The following DHRS9 variants were observed in gnomAD, a reference collection of about 807,000 sequenced individuals.
DHRS9 encodes dehydrogenase/reductase 9, also known as dehydrogenase/reductase SDR family member 9.
In DHRS9, 18 loss-of-function variants were observed where a neutral mutation model predicts 26.6. That is an observed-to-expected ratio of 0.68 (90% confidence interval 0.47 to 1.00). The LOEUF (loss-of-function observed/expected upper bound fraction) is 1.00, where lower values mean the gene tolerates loss of function less well. Ranked by LOEUF, DHRS9 falls within the 50% of genes least tolerant of loss-of-function variation. DHRS9 has a pLI of 0.00. For synonymous variants in DHRS9, 134 were observed against 141.1 expected (o/e 0.95, Z 0.36); for missense variants, 425 against 378.7 (o/e 1.12, Z -1.01).
chr2:169,079,920 GGAGAGAGAGAGAGA>G (rs1200500362), intron 1 of DHRS9, among the ~76,000 whole-genome samples: 26 of 10,316 alleles, frequency 2.5e-3, no homozygotes, highest in Admixed American at 4.7e-3. Context: ...GGAGGGAGGG[GGAGAGAGAGAGAGA>G]GAGAGAGAGA....
At chr2:169,092,334 C>G (rs1684555987) in intron 4 of DHRS9, among the ~76,000 whole-genome samples, 1 of 152,206 alleles carries the variant, frequency 6.6e-6, no homozygotes, top group Non-Finnish European at 1.5e-5. Flanking sequence ...TGCCATACCT[C>G]CTCTTTTCCT....
chr2:169,086,675 C>A (rs1684362278), intron 3 of DHRS9, among the ~76,000 whole-genome samples: 1 of 152,032 alleles, frequency 6.6e-6, no homozygotes, highest in Admixed American at 6.5e-5. Context: ...CTGTTGTGAT[C>A]TAACTTTTTA....
chr2:169,083,043 T>C (rs1458097118), intron 2 of DHRS9, among the ~76,000 whole-genome samples: 1 of 152,090 alleles, frequency 6.6e-6, no homozygotes, highest in Non-Finnish European at 1.5e-5. Context: ...GAAAAATAGA[T>C]CAATTTACTC....
At chr2:169,094,573 G>T (rs1416581976) in intron 4 of DHRS9, among the ~76,000 whole-genome samples, 1 of 149,660 alleles carries the variant, frequency 6.7e-6, no homozygotes, top group Non-Finnish European at 1.5e-5. Flanking sequence ...TAGAGATGAG[G>T]TCACACTATG....
chr2:169,067,307 T>C, upstream of DHRS9: 1 of 1,532,784 alleles, frequency 6.5e-7, no homozygotes, highest in Non-Finnish European at 8.7e-7. Flanking sequence ...CTTAGAATGA[T>C]CTGTGACTTA....
At chr2:169,091,456 G>T (rs920869293) in intron 3 of DHRS9, among the ~76,000 whole-genome samples, 1 of 152,060 alleles carries the variant, frequency 6.6e-6, no homozygotes, top group Non-Finnish European at 1.5e-5. Context: ...ACCATAAGGT[G>T]GTTTAAGTAC....
At chr2:169,073,334 AC>A in intron 1 of DHRS9, among the ~76,000 whole-genome samples, 1 of 152,198 alleles carries the variant, frequency 6.6e-6, no homozygotes, top group Non-Finnish European at 1.5e-5. Flanking sequence ...CCTCCTCTAT[AC>A]AGTGAAGATA....
In DHRS9 at chr2:169,095,958, G is replaced by A. The variant is rs894027340; in HGVS notation, c.*191G>A. On this transcript the variant is annotated 3_prime_UTR_variant, in exon 5 of 5. Coordinates refer to ENST00000674881, the MANE Select transcript of DHRS9 (RefSeq NM_001376924.1). Reference sequence around the variant, plus strand: ...CCCTGCTCAAGTTTTCTTTGAAAAGGAGGGCTGGAATGGTACATCACATAG... The same window carrying A: ...CCCTGCTCAAGTTTTCTTTGAAAAGAAGGGCTGGAATGGTACATCACATAG... 1.6e-6 allele frequency: 1 copy of A among 612,892 alleles called. No homozygotes were observed. Among genetic ancestry groups the A allele is most frequent in the South Asian group, 2.0e-5 (1 of 50,064 alleles). The allele number at this position is 612,892 out of a possible 1,614,324, so 38.0% of individuals were successfully genotyped here.
chr2:169,091,135 GT>G (rs766545777), intron 3 of DHRS9, among the ~76,000 whole-genome samples: 6 of 151,942 alleles, frequency 3.9e-5, no homozygotes, highest in Non-Finnish European at 8.8e-5. Context: ...CTGTATATTG[GT>G]TTGCTTTAAA....
rs367877637 is a variant in DHRS9 at position 169,071,059 on chromosome 2, G to A, written c.-60+1342G>A. Among the ~76,000 whole-genome samples the A allele has an allele frequency of 5.1e-3, 767 of 149,078 alleles. 8 individuals are homozygous for A. The highest frequency in any genetic ancestry group is 0.017 in the African/African-American group (706 of 40,648). ...AGCCTGGGCGACAGAGCGAGACTCC[G>A]TCTCAAAAAAAAAAAACAACAACAA... On this transcript the variant is annotated intron_variant, in intron 1 of 4. Coordinates refer to ENST00000674881, the MANE Select transcript of DHRS9 (RefSeq NM_001376924.1).
intron 3 of DHRS9, among the ~76,000 whole-genome samples, chr2:169,088,840 C>T (rs1174208739): frequency 6.6e-6 from 1 of 152,194 alleles, no homozygotes; most frequent in Admixed American, 6.5e-5. Flanking sequence ...ATAGGCTTCT[C>T]CATTGGTTTA....
rs762300268 is a variant in DHRS9, at chr2:169,081,861, G to A, written c.280G>A (p.Ala94Thr). The change falls in exon 2 of 5, where the codon GCC becomes ACC. Residue 94 changes from alanine to threonine, a missense_variant. Coordinates refer to ENST00000674881, the MANE Select transcript of DHRS9 (RefSeq NM_001376924.1). ...VTDPENVKRT[A>T]QWVKNQVGEK... ...CGACCCAGAGAATGTCAAGAGGACT[G>A]CCCAGTGGGTGAAGAACCAAGTTGG... 1 of 1,610,776 alleles carries A rather than the reference G, an allele frequency of 6.2e-7. No homozygotes were observed. The highest frequency in any genetic ancestry group is 1.3e-5 in the African/African-American group (1 of 74,786).
chr2:169,090,096 A>G (rs560126098), intron 3 of DHRS9, among the ~76,000 whole-genome samples: 1 of 152,362 alleles, frequency 6.6e-6, no homozygotes, highest in South Asian at 2.1e-4. Flanking sequence ...TATTTTTCTT[A>G]AATGAATCAT....
intron 3 of DHRS9, among the ~76,000 whole-genome samples, chr2:169,086,568 C>A (rs1446333242): frequency 6.6e-6 from 1 of 151,132 alleles, no homozygotes; most frequent in African/African-American, 2.4e-5. Flanking sequence ...TATGTCTGTG[C>A]ATTGAAGAGT....
intron 3 of DHRS9, among the ~76,000 whole-genome samples, chr2:169,089,020 C>T (rs570460032): frequency 6.6e-6 from 1 of 152,322 alleles, no homozygotes; most frequent in African/African-American, 2.4e-5. Context: ...AACTTATCAC[C>T]ATCAGTTCAA....
chr2:169,092,904 T>C (rs547728695), intron 4 of DHRS9, among the ~76,000 whole-genome samples: 28 of 152,244 alleles, frequency 1.8e-4, no homozygotes, highest in Non-Finnish European at 2.6e-4. Flanking sequence ...AATAGAGGCA[T>C]AGAGAATAAC....
At chr2:169,094,883 C>G (rs1228135574) in intron 4 of DHRS9, among the ~76,000 whole-genome samples, 4 of 152,256 alleles carry the variant, frequency 2.6e-5, no homozygotes, top group Middle Eastern at 3.4e-3. Flanking sequence ...GGTATCTTCG[C>G]TCATTATTCA....
chr2:169,074,373 C>T (rs997406406), intron 1 of DHRS9: 3 of 985,278 alleles, frequency 3.0e-6, no homozygotes, highest in Non-Finnish European at 3.6e-6. Context: ...TACTGCTCTA[C>T]TGCCTCGAGC....
At chr2:169,093,335 C>CACACACAG (rs1007298974) in intron 4 of DHRS9, among the ~76,000 whole-genome samples, 1 of 151,784 alleles carries the variant, frequency 6.6e-6, no homozygotes, top group African/African-American at 2.4e-5. Context: ...ACCCTAAACA[C>CACACACAG]ACACACACGC....
Sources: allele counts gnomAD v4.1 joint callset (sites outside exome capture counted in the v4.1 genomes callset), GRCh38; gene constraint gnomAD v4.1.1; transcripts MANE v1.5; gene names NCBI Gene and HGNC (gene_info 2026-07-23, HGNC 2026-07-21).